AUTS2: variants seen among roughly 807,000 people sequenced by gnomAD.
AUTS2 encodes the protein activator of transcription and developmental regulator AUTS2.
In AUTS2, 17 loss-of-function variants were observed where a neutral mutation model predicts 112.4. That is an observed-to-expected ratio of 0.15 (90% confidence interval 0.10 to 0.23). The LOEUF is 0.23. Ranked by LOEUF, AUTS2 falls within the 10% of genes least tolerant of loss-of-function variation. The pLI, the probability that AUTS2 is intolerant of heterozygous loss-of-function variation, is 1.00. For missense variants in AUTS2, 1,510 were observed against 1,701.6 expected (o/e 0.89, Z 1.98); for synonymous variants, 751 against 702.7 (o/e 1.07, Z -1.09).
intron 1 of AUTS2, among the ~76,000 whole-genome samples, chr7:69,615,706 A>G (rs1282810311): frequency 6.6e-6 from 1 of 152,206 alleles, no homozygotes; most frequent in African/African-American, 2.4e-5. Flanking sequence ...ACAGACAAAT[A>G]TGTATGCTCA....
intron 4 of AUTS2, among the ~76,000 whole-genome samples, chr7:70,240,637 C>A (rs1202865535): frequency 6.6e-6 from 1 of 152,178 alleles, no homozygotes; most frequent in Non-Finnish European, 1.5e-5. Context: ...TCAAGGCTTG[C>A]ATGCCATTTT....
At chr7:69,744,888 C>T (rs1023357239) in intron 1 of AUTS2, among the ~76,000 whole-genome samples, 2 of 152,134 alleles carry the variant, frequency 1.3e-5, no homozygotes, top group Non-Finnish European at 2.9e-5. Context: ...CACAAAAGCA[C>T]TGTAAACAGG....
intron 2 of AUTS2, among the ~76,000 whole-genome samples, chr7:69,911,689 A>G (rs1358843429): frequency 1.3e-5 from 2 of 152,130 alleles, no homozygotes; most frequent in Non-Finnish European, 2.9e-5. Context: ...TCCTTTCTGC[A>G]GCTGGTAGTC....
At chr7:70,117,667 T>C (rs1040245691) in intron 2 of AUTS2, among the ~76,000 whole-genome samples, 1 of 152,230 alleles carries the variant, frequency 6.6e-6, no homozygotes, top group African/African-American at 2.4e-5. Flanking sequence ...TTCTACCCTC[T>C]GTATTTTTTC....
chr7:70,226,455 T>G (rs1351234208), intron 4 of AUTS2, among the ~76,000 whole-genome samples: 1 of 151,594 alleles, frequency 6.6e-6, no homozygotes, highest in African/African-American at 2.4e-5. Context: ...TCCGCCCTCC[T>G]TGGCCTGCTG....
intron 11 of AUTS2, among the ~76,000 whole-genome samples, chr7:70,773,330 T>C (rs1460257031): frequency 6.6e-6 from 1 of 152,192 alleles, no homozygotes; most frequent in African/African-American, 2.4e-5. Flanking sequence ...GAAATAGTGA[T>C]TGTGCCCAAA....
chr7:70,379,312 C>T (rs1006532485), intron 4 of AUTS2, among the ~76,000 whole-genome samples: 18 of 152,076 alleles, frequency 1.2e-4, no homozygotes, highest in Middle Eastern at 3.4e-3. Context: ...ACCGGCCTGG[C>T]CAACATGGTG....
chr7:70,306,042 C>A (rs778987612), intron 4 of AUTS2, among the ~76,000 whole-genome samples: 1 of 151,528 alleles, frequency 6.6e-6, no homozygotes, highest in African/African-American at 2.4e-5. Flanking sequence ...AATGTAGAGA[C>A]AAATCTCTAA....
intron 5 of AUTS2, among the ~76,000 whole-genome samples, chr7:70,564,553 T>G (rs1328758287): frequency 6.6e-6 from 1 of 152,242 alleles, no homozygotes; most frequent in Non-Finnish European, 1.5e-5. Flanking sequence ...TATTAATATA[T>G]TCACCATTGG....
chr7:70,667,080 T>C (rs1200070802), intron 5 of AUTS2, among the ~76,000 whole-genome samples: 2 of 152,146 alleles, frequency 1.3e-5, no homozygotes, highest in African/African-American at 2.4e-5. Context: ...AAACACAGTG[T>C]TGTTCGGCAA....
chr7:69,642,990 G>C (rs1426858590), intron 1 of AUTS2, among the ~76,000 whole-genome samples: 1 of 152,138 alleles, frequency 6.6e-6, no homozygotes, highest in Non-Finnish European at 1.5e-5. Context: ...TGTTGTCCTG[G>C]GCTGGGGTCT....
intron 5 of AUTS2, among the ~76,000 whole-genome samples, chr7:70,526,982 A>G (rs971457423): frequency 1.3e-5 from 2 of 152,216 alleles, no homozygotes; most frequent in Non-Finnish European, 2.9e-5. Flanking sequence ...CATCAATTCC[A>G]TGTCTTATGA....
At position 70,243,279 on chromosome 7, in the gene AUTS2, GTA is replaced by G. The variant is rs1482748632; in HGVS notation, c.660+108710_660+108711del. Among the ~76,000 whole-genome samples the G allele has an allele frequency of 4.2e-3, 495 of 116,734 alleles. 5 individuals are homozygous for G. Among genetic ancestry groups the G allele is most frequent in the African/African-American group, 0.015 (441 of 30,316 alleles). The allele number at this position is 116,734 out of a possible 152,430, so 76.6% of individuals were successfully genotyped here. On this transcript the variant is annotated intron_variant, in intron 4 of 18. Coordinates refer to ENST00000342771, the MANE Select transcript of AUTS2 (RefSeq NM_015570.4). ...TGTGTGTGTGTGTGTGTGTGTGTGT[GTA>G]TGAGTATATATATAATATATGTATG... is the stretch of plus-strand genomic sequence containing the variant.
intron 2 of AUTS2, among the ~76,000 whole-genome samples, chr7:69,937,661 A>C (rs1389383944): frequency 6.6e-6 from 1 of 152,168 alleles, no homozygotes. Context: ...CATGTCCCTG[A>C]GTACAATATT....
intron 1 of AUTS2, among the ~76,000 whole-genome samples, chr7:69,864,622 T>C (rs1051099552): frequency 6.6e-6 from 1 of 152,208 alleles, no homozygotes; most frequent in Admixed American, 6.5e-5. Context: ...AAGTGGAGGC[T>C]CACATTTATT....
rs73432824 is a variant in AUTS2, at chr7:70,565,805, T to G, written c.690+130024T>G. The stretch of plus-strand genomic sequence containing the variant: ...TAATTGTATGAGAATAGCATATAAT[T>G]TCCTGAGACTATAGACAGAGCTTTG... On this transcript the variant is annotated intron_variant, in intron 5 of 18. Transcript: ENST00000342771. Among the ~76,000 whole-genome samples, 863 of 152,358 alleles carry G rather than the reference T, an allele frequency of 5.7e-3. 11 individuals are homozygous for G. The highest frequency in any genetic ancestry group is 0.02 in the African/African-American group (823 of 41,580).
chr7:70,123,066 G>C (rs1805771637), intron 3 of AUTS2, among the ~76,000 whole-genome samples: 1 of 151,642 alleles, frequency 6.6e-6, no homozygotes, highest in Non-Finnish European at 1.5e-5. Flanking sequence ...TAGTAGAGAT[G>C]GGCTTCACCA....
At chr7:70,014,206 C>T (rs558113290) in intron 2 of AUTS2, among the ~76,000 whole-genome samples, 10 of 152,232 alleles carry the variant, frequency 6.6e-5, no homozygotes, top group Non-Finnish European at 1.3e-4. Context: ...TGGAAGATTC[C>T]GAACTTGAGG....
chr7:69,662,591 G>A (rs554336195), intron 1 of AUTS2, among the ~76,000 whole-genome samples: 1 of 152,294 alleles, frequency 6.6e-6, no homozygotes, highest in Non-Finnish European at 1.5e-5. Context: ...GCAGAGGTTA[G>A]CCATTAACCT....
Sources: allele counts gnomAD v4.1 joint callset (sites outside exome capture counted in the v4.1 genomes callset), GRCh38; gene constraint gnomAD v4.1.1; transcripts MANE v1.5; gene names NCBI Gene and HGNC (gene_info 2026-07-23, HGNC 2026-07-21).